CLDN18: variants seen among roughly 807,000 people sequenced by gnomAD.
CLDN18 encodes the protein claudin 18.
Under a neutral mutation model 25.0 loss-of-function variants are expected in CLDN18, and 20 were observed. The ratio of observed to expected loss-of-function variants is 0.80; its 90% confidence interval spans 0.56 to 1.16. The LOEUF is 1.16. Among genes scored for constraint, CLDN18 ranks in the 50% most tolerant of loss-of-function variants. The pLI is 0.00. For synonymous variants in CLDN18, 125 were observed against 135.6 expected, an observed-to-expected ratio of 0.92 and a Z score of 0.54; for missense variants, 297 against 345.4, an observed-to-expected ratio of 0.86 and a Z score of 1.11.
chr3:138,000,090 T>C (rs1476686979), intron 1 of CLDN18, among the ~76,000 whole-genome samples: 1 of 152,130 alleles, frequency 6.6e-6, no homozygotes, highest in Non-Finnish European at 1.5e-5. Flanking sequence ...ACAAAAAAGG[T>C]AACAACAGAA....
At chr3:138,003,147 G>A (rs1273838638) in intron 1 of CLDN18, among the ~76,000 whole-genome samples, 3 of 152,016 alleles carry the variant, frequency 2.0e-5, no homozygotes, top group African/African-American at 7.2e-5. Flanking sequence ...AACATTTAAA[G>A]GCATCTCTGG....
chr3:138,025,143 G>A (rs2107888021), intron 3 of CLDN18, among the ~76,000 whole-genome samples: 1 of 152,338 alleles, frequency 6.6e-6, no homozygotes, highest in South Asian at 2.1e-4. Flanking sequence ...TGAGAAAAGT[G>A]ATGTTCCTTC....
intron 1 of CLDN18, among the ~76,000 whole-genome samples, chr3:138,020,928 GA>G (rs34545415): frequency 6.6e-6 from 1 of 152,300 alleles, no homozygotes; most frequent in Admixed American, 6.5e-5. Flanking sequence ...TGCTGTGATG[GA>G]AAAGTAATGA....
At chr3:138,007,865 C>T (rs1942086405), upstream of CLDN18, among the ~76,000 whole-genome samples, 1 of 152,154 alleles carries the variant, frequency 6.6e-6, no homozygotes, top group Admixed American at 6.5e-5. Flanking sequence ...TAACTGTTCC[C>T]TTCCCTCCTT....
chr3:138,009,206 G>C (rs1942101242), upstream of CLDN18, among the ~76,000 whole-genome samples: 1 of 152,176 alleles, frequency 6.6e-6, no homozygotes, highest in Non-Finnish European at 1.5e-5. Flanking sequence ...TGACCTACAA[G>C]GGCTTAGGAG....
upstream of CLDN18, among the ~76,000 whole-genome samples, chr3:138,008,135 A>G (rs1942088523): frequency 6.6e-6 from 1 of 150,842 alleles, no homozygotes; most frequent in African/African-American, 2.4e-5. Context: ...TGCACCCAAG[A>G]TAACAAAATG....
intron 1 of CLDN18, among the ~76,000 whole-genome samples, chr3:138,000,787 G>A (rs1443493146): frequency 6.6e-6 from 1 of 152,170 alleles, no homozygotes; most frequent in Non-Finnish European, 1.5e-5. Flanking sequence ...ATGTCCTGCT[G>A]ACCCCTCCTT....
chr3:138,004,756 C>A, intron 1 of CLDN18: 1 of 150,328 alleles, frequency 6.7e-6, no homozygotes. Context: ...AAAATAAATC[C>A]TAGATTAATT....
At chr3:138,004,118 G>A (rs776503933) in intron 1 of CLDN18, among the ~76,000 whole-genome samples, 2 of 151,990 alleles carry the variant, frequency 1.3e-5, no homozygotes, top group Non-Finnish European at 2.9e-5. Flanking sequence ...AGGTTGCAGT[G>A]GGCCAAGATT....
At chr3:138,022,134 C>T (rs534018139) in intron 1 of CLDN18, among the ~76,000 whole-genome samples, 16 of 152,210 alleles carry the variant, frequency 1.1e-4, no homozygotes, top group South Asian at 1.0e-3. Flanking sequence ...CTGAAGGAAA[C>T]CACGGACTCC....
chr3:137,999,572 G>C (rs763924783), intron 1 of CLDN18, among the ~76,000 whole-genome samples: 31 of 152,166 alleles, frequency 2.0e-4, no homozygotes, highest in Admixed American at 1.2e-3. Flanking sequence ...AGAGGAAAAA[G>C]GCAGAGAAAA....
chr3:138,001,497 C>T (rs1942015568), intron 1 of CLDN18, among the ~76,000 whole-genome samples: 1 of 151,494 alleles, frequency 6.6e-6, no homozygotes, highest in Non-Finnish European at 1.5e-5. Context: ...GCTGGGATTA[C>T]AGGTGTGAGC....
chr3:138,030,056 A>G lies in CLDN18; in HGVS notation c.614+149A>G, dbSNP rs1036811595. ...TTATCGAAGCTTCTCTTTTAGGGGG[A>G]ACCTAAAGAACAGAATGGGAATATT... On this transcript the variant is annotated intron_variant, in intron 4 of 4. Transcript: ENST00000183605. 4.8e-6 allele frequency: 3 copies of G among 629,400 alleles called. No homozygotes were observed. In the African/African-American group the frequency reaches 5.6e-5, roughly 12 times the overall value. The allele number at this position is 629,400 out of a possible 1,614,324, so 39.0% of individuals were successfully genotyped here.
At chr3:138,026,476 T>A (rs1942328387) in intron 3 of CLDN18, among the ~76,000 whole-genome samples, 1 of 151,888 alleles carries the variant, frequency 6.6e-6, no homozygotes, top group Middle Eastern at 3.2e-3. Context: ...TGAAACCCCA[T>A]CTCTACTGAA....
rs577373182 is a variant in CLDN18, at chr3:138,002,641, T to C, written c.220+3553T>C. ...AAATGAAAGTATGGAATTTTTAAAT[T>C]TCCATTGAGAAGTTAACATACCCTG... On this transcript the variant is annotated intron_variant, in intron 1 of 4. Coordinates refer to the CLDN18 transcript ENST00000343735. Among the ~76,000 whole-genome samples, 5 of 152,328 alleles carry C rather than the reference T, an allele frequency of 3.3e-5. No individual in the cohort carries two copies. In the East Asian group the frequency reaches 9.6e-4, roughly 29 times the overall value.
intron 1 of CLDN18, among the ~76,000 whole-genome samples, chr3:138,018,138 G>T (rs1480233050): frequency 6.6e-6 from 1 of 152,168 alleles, no homozygotes; most frequent in East Asian, 1.9e-4. Flanking sequence ...GCTATAAGAA[G>T]ATTATCTTAG....
At position 138,010,268 on chromosome 3, in the gene CLDN18, A is replaced by G. The variant is rs750585890; in HGVS notation, c.43A>G (p.Ile15Val). 6.2e-7 allele frequency: 1 copy of G among 1,614,048 alleles called. No homozygotes were observed. The highest frequency in any genetic ancestry group is 8.5e-7 in the Non-Finnish European group (1 of 1,179,994). Residue 15 changes from isoleucine to valine, a missense_variant, in exon 1 of 5, where the codon ATC (isoleucine) becomes GTC (valine). Physicochemically the swap from Ile to Val is conservative, Grantham distance 29. Coordinates refer to ENST00000183605, the MANE Select transcript of CLDN18 (RefSeq NM_016369.4). ...TCQVVAFLLS[I>V]LGLAGCIAAT... Reference sequence around the variant, plus strand: ...CCAAGTGGTGGCGTTCCTCCTGTCCATCCTGGGGCTGGCCGGCTGCATCGC... The same window carrying G: ...CCAAGTGGTGGCGTTCCTCCTGTCCGTCCTGGGGCTGGCCGGCTGCATCGC...
chr3:138,022,904 AAGGATGCACT>A (rs1942286338), intron 1 of CLDN18, among the ~76,000 whole-genome samples: 1 of 152,244 alleles, frequency 6.6e-6, no homozygotes, highest in Non-Finnish European at 1.5e-5. Context: ...ACTGCAATTT[AAGGATGCACT>A]AGAAACAACT....
chr3:138,026,260 C>A (rs1942326154), intron 3 of CLDN18, among the ~76,000 whole-genome samples: 1 of 152,206 alleles, frequency 6.6e-6, no homozygotes, highest in Non-Finnish European at 1.5e-5. Flanking sequence ...ACTAGAGCTG[C>A]AAACTGCCTG....
Sources: allele counts gnomAD v4.1 joint callset (sites outside exome capture counted in the v4.1 genomes callset), GRCh38; gene constraint gnomAD v4.1.1; transcripts MANE v1.5; gene names NCBI Gene and HGNC (gene_info 2026-07-23, HGNC 2026-07-21).